The following BRINP2 variants were observed in gnomAD, a reference collection of about 807,000 sequenced individuals.
The protein encoded by BRINP2 is BMP/retinoic acid inducible neural specific 2, also known as BMP/retinoic acid-inducible neural-specific protein 2.
In BRINP2, 21 loss-of-function variants were observed where a neutral mutation model predicts 69.2. The ratio of observed to expected loss-of-function variants is 0.30; its 90% CI spans 0.22 to 0.44. The LOEUF is 0.44. BRINP2 is among the 20% of genes least tolerant of loss of function. The pLI is 1.00. For missense variants in BRINP2, 877 were observed against 986.0 expected (o/e 0.89, Z 1.48); for synonymous variants, 380 against 394.1 (o/e 0.96, Z 0.42).
intron 1 of BRINP2, among the ~76,000 whole-genome samples, chr1:177,216,355 C>G (rs1485280215): frequency 1.3e-5 from 2 of 152,020 alleles, no homozygotes; most frequent in African/African-American, 4.8e-5. Flanking sequence ...AACAGTTTAG[C>G]TTTGATTGCA....
chr1:177,194,667 A>C (rs1160694019), intron 1 of BRINP2, among the ~76,000 whole-genome samples: 1 of 152,082 alleles, frequency 6.6e-6, no homozygotes, highest in Non-Finnish European at 1.5e-5. Context: ...ACAGCTTCCC[A>C]TGACTAAGAA....
At position 177,280,483 on chromosome 1, in the gene BRINP2, T is replaced by C; in HGVS notation, c.1307T>C (p.Phe436Ser). 1 of 1,614,202 alleles carries C rather than the reference T, an allele frequency of 6.2e-7. No homozygotes were observed. The highest frequency in any genetic ancestry group is 8.5e-7 in the Non-Finnish European group (1 of 1,180,026). Residue 436 changes from phenylalanine to serine, a missense_variant, in exon 8 of 8, where the codon TTC becomes TCC. By Grantham distance (155) the Phe-to-Ser change is radical. This residue lies in a region of BRINP2 where 566 missense variants were observed against 625.2 expected (regional missense o/e 0.91). Transcript: ENST00000361539. ...GGGGAAAGCACCTTTCCTGGCACTT[T>C]CCTGGAACAGAGCCACAGCTGCACC... is the stretch of plus-strand genomic sequence containing the variant. ...YCGESTFPGT[F>S]LEQSHSCTCP... is the part of the protein sequence containing the mutation.
intron 5 of BRINP2, chr1:177,275,328 G>C: frequency 4.5e-6 from 2 of 444,782 alleles, no homozygotes; most frequent in Non-Finnish European, 9.1e-6. Flanking sequence ...GAAGTTAATT[G>C]GAAGAGAGCT....
At chr1:177,277,878 C>T (rs763969720) in intron 6 of BRINP2, among the ~76,000 whole-genome samples, 13 of 152,090 alleles carry the variant, frequency 8.5e-5, no homozygotes, top group Non-Finnish European at 1.5e-4. Context: ...GTTCAGAAGC[C>T]ATGGTGTGCC....
intron 5 of BRINP2, among the ~76,000 whole-genome samples, chr1:177,274,655 C>G (rs1457596489): frequency 6.6e-6 from 1 of 152,170 alleles, no homozygotes; most frequent in Non-Finnish European, 1.5e-5. Flanking sequence ...TACCCCAACA[C>G]TCATGCAGAC....
chr1:177,266,991 AC>A (rs1290979268), intron 4 of BRINP2, among the ~76,000 whole-genome samples: 2 of 152,110 alleles, frequency 1.3e-5, no homozygotes, highest in African/African-American at 4.8e-5. Flanking sequence ...ATGATTTCCC[AC>A]TAAAAGTACA....
chr1:177,216,579 C>A (rs1054634872), intron 1 of BRINP2, among the ~76,000 whole-genome samples: 1 of 152,028 alleles, frequency 6.6e-6, no homozygotes, highest in African/African-American at 2.4e-5. Context: ...AAAACTTATA[C>A]TATTAGGTTT....
intron 4 of BRINP2, among the ~76,000 whole-genome samples, chr1:177,261,868 G>A (rs960804930): frequency 5.3e-5 from 8 of 152,192 alleles, no homozygotes; most frequent in Admixed American, 5.2e-4. Flanking sequence ...GAGAACCAAA[G>A]CGGGCTCACA....
intron 3 of BRINP2, 112 bp downstream of exon 3, chr1:177,256,221 C>G: frequency 1.4e-6 from 2 of 1,429,836 alleles, no homozygotes; most frequent in Admixed American, 5.1e-5. Flanking sequence ...CTTTTATTGC[C>G]TGAGAAGTCT....
At chr1:177,201,155 A>T (rs1648898837) in intron 1 of BRINP2, among the ~76,000 whole-genome samples, 1 of 152,156 alleles carries the variant, frequency 6.6e-6, no homozygotes, top group African/African-American at 2.4e-5. Context: ...ATATACCCAA[A>T]CACCACCTGT....
chr1:177,184,895 G>A (rs10913296), intron 1 of BRINP2, among the ~76,000 whole-genome samples: 19,824 of 152,058 alleles, frequency 0.13, 2,396 homozygotes, highest in African/African-American at 0.31. Context: ...TTCCTTTAAG[G>A]CAGTGGTTCT....
intron 1 of BRINP2, among the ~76,000 whole-genome samples, chr1:177,223,120 C>T (rs1426310712): frequency 2.0e-5 from 3 of 152,140 alleles, no homozygotes; most frequent in Non-Finnish European, 4.4e-5. Flanking sequence ...CTGGCTTTAT[C>T]GCTCAGGGCT....
intron 1 of BRINP2, among the ~76,000 whole-genome samples, chr1:177,181,054 T>C (rs1648231556): frequency 1.3e-5 from 2 of 152,070 alleles, no homozygotes; most frequent in Non-Finnish European, 2.9e-5. Context: ...ATGAAGTAGA[T>C]ACTATTATTC....
intron 7 of BRINP2, 139 bp downstream of exon 7, chr1:177,278,924 C>G (rs1651601805): frequency 2.7e-6 from 2 of 754,610 alleles, no homozygotes; most frequent in Non-Finnish European, 4.3e-6. Context: ...TTGACCTACT[C>G]ATGTGTGTCA....
At chr1:177,232,978 G>T (rs192958881) in intron 2 of BRINP2, among the ~76,000 whole-genome samples, 1 of 152,326 alleles carries the variant, frequency 6.6e-6, no homozygotes, top group African/African-American at 2.4e-5. Context: ...AAGGGGGTCA[G>T]TATATTTGGT....
intron 2 of BRINP2, among the ~76,000 whole-genome samples, chr1:177,243,453 C>A (rs1650269528): frequency 6.6e-6 from 1 of 152,142 alleles, no homozygotes; most frequent in Non-Finnish European, 1.5e-5. Context: ...CCATCTCCCC[C>A]TAGACCCAAC....
At position 177,280,651 on chromosome 1, in the gene BRINP2, G is replaced by A. The variant is rs201898561; in HGVS notation, c.1475G>A (p.Arg492Gln). The A allele has an allele frequency of 1.4e-4, 224 of 1,614,208 alleles. No individual in the cohort carries two copies. Among genetic ancestry groups the A allele is most frequent in the Non-Finnish European group, 1.7e-4 (196 of 1,180,034 alleles). ...TATGTGCTGGCCCAGGGGCTGTGCC[G>A]GCCAGAGGTGGCCGAGTCCCTGGAA... ...PGYVLAQGLCRPEVAESLENF... is the reference protein window; with the variant it reads ...PGYVLAQGLCQPEVAESLENF... The change falls in exon 8 of 8, where the codon CGG (arginine) becomes CAG (glutamine). Residue 492 changes from arginine to glutamine, a missense_variant. Transcript: ENST00000361539.
intron 1 of BRINP2, among the ~76,000 whole-genome samples, chr1:177,180,695 C>T (rs1451832636): frequency 6.6e-6 from 1 of 152,198 alleles, no homozygotes; most frequent in Non-Finnish European, 1.5e-5. Flanking sequence ...CCTGTTTCTT[C>T]TCTTTCCTCA....
chr1:177,190,190 C>T (rs1185282438), intron 1 of BRINP2, among the ~76,000 whole-genome samples: 1 of 152,152 alleles, frequency 6.6e-6, no homozygotes, highest in Non-Finnish European at 1.5e-5. Flanking sequence ...ACGGGGCAAC[C>T]CTCCATAAGT....
Sources: allele counts gnomAD v4.1 joint callset (sites outside exome capture counted in the v4.1 genomes callset), GRCh38; gene constraint gnomAD v4.1.1; regional missense constraint gnomAD v4.1.1; transcripts MANE v1.5; gene names NCBI Gene and HGNC (gene_info 2026-07-23, HGNC 2026-07-21).